The following TGFBR2 variants were observed in gnomAD, a reference collection of about 807,000 sequenced individuals.
TGFBR2 encodes the protein TGF-beta receptor type-2.
A neutral mutation model predicts 49.0 loss-of-function variants in TGFBR2; 18 were observed. That is an observed-to-expected ratio of 0.37 (90% CI 0.25 to 0.54). TGFBR2 has a LOEUF of 0.54. Ranked by LOEUF, TGFBR2 falls within the 20% of genes least tolerant of loss-of-function variation. The probability of loss-of-function intolerance (pLI) is 0.85; values close to 1 mark genes in which losing one functional copy is unlikely to be tolerated. For synonymous variants in TGFBR2, 282 were observed against 275.9 expected, an observed-to-expected ratio of 1.02 and a Z score of -0.22; for missense variants, 525 against 722.6, an observed-to-expected ratio of 0.73 and a Z score of 3.13.
intron 5 of TGFBR2, among the ~76,000 whole-genome samples, chr3:30,682,124 T>C (rs969726855): frequency 1.3e-5 from 2 of 152,122 alleles, no homozygotes; most frequent in African/African-American, 2.4e-5. Context: ...CCTCCTGGAG[T>C]TGGGCCAGCC....
chr3:30,691,314 T>A, intron 6 of TGFBR2, 106 bp from the exon 7 acceptor site: 3 of 1,290,404 alleles, frequency 2.3e-6, no homozygotes, highest in African/African-American at 1.5e-5. Context: ...CACAGGCACT[T>A]TTGGACCCTG....
At chr3:30,681,995 AG>A (rs1403919674) in intron 5 of TGFBR2, among the ~76,000 whole-genome samples, 5 of 152,230 alleles carry the variant, frequency 3.3e-5, no homozygotes, top group African/African-American at 9.6e-5. Context: ...CACACACCTC[AG>A]TGTCATACCA....
intron 1 of TGFBR2, among the ~76,000 whole-genome samples, chr3:30,633,589 A>G (rs750355289): frequency 5.3e-5 from 8 of 152,198 alleles, no homozygotes; most frequent in Non-Finnish European, 1.0e-4. Flanking sequence ...AGTAGGTGAC[A>G]TGAAGGAGTG....
chr3:30,628,720 G>A (rs1205889679), intron 1 of TGFBR2, among the ~76,000 whole-genome samples: 1 of 151,960 alleles, frequency 6.6e-6, no homozygotes, highest in African/African-American at 2.4e-5. Flanking sequence ...TGGGCTCAGG[G>A]ATTTGCATTT....
intron 1 of TGFBR2, among the ~76,000 whole-genome samples, chr3:30,644,138 C>A (rs1266896962): frequency 6.6e-6 from 1 of 152,196 alleles, no homozygotes; most frequent in East Asian, 1.9e-4. Context: ...ATCAGTAGAA[C>A]TAGTCCCTTG....
intron 1 of TGFBR2, among the ~76,000 whole-genome samples, chr3:30,636,155 A>ATGTG (rs61296907): frequency 0.1 from 13,748 of 134,526 alleles, 765 homozygotes; most frequent in East Asian, 0.22. Context: ...ATATATATGT[A>ATGTG]TGTGTGTGTG....
intron 2 of TGFBR2, among the ~76,000 whole-genome samples, chr3:30,646,515 AT>A (rs1298279375): frequency 3.3e-5 from 5 of 152,276 alleles, no homozygotes; most frequent in African/African-American, 1.2e-4. Flanking sequence ...TATAATAAAC[AT>A]ATTCTGCATA....
intron 1 of TGFBR2, chr3:30,623,240 A>G: frequency 6.2e-7 from 1 of 1,612,766 alleles, no homozygotes; most frequent in Non-Finnish European, 8.5e-7. Flanking sequence ...CATCTGCCCC[A>G]GCTGTAATAG....
Position 30,647,362 on chromosome 3 carries a change from A to G in TGFBR2, c.263+2447A>G, listed in dbSNP as rs139579788. ...ATAGTTTAGCTTTTTCCTTCTGTGC[A>G]ATACTGTTGCCTTTAGTCGCTTACA... is the stretch of plus-strand genomic sequence containing the variant. On this transcript the variant is annotated intron_variant, in intron 2 of 6. Coordinates refer to ENST00000295754, the MANE Select transcript of TGFBR2 (RefSeq NM_003242.6). 2.1e-3 allele frequency among the ~76,000 whole-genome samples: 323 copies of G among 152,246 alleles called. 1 individual carries two copies. Among genetic ancestry groups the G allele is most frequent in the African/African-American group, 7.4e-3 (309 of 41,536 alleles).
chr3:30,622,870 A>G, intron 1 of TGFBR2, among the ~76,000 whole-genome samples: 1 of 117,810 alleles, frequency 8.5e-6, no homozygotes, highest in African/African-American at 3.2e-5. Flanking sequence ...ACAGAGCGAG[A>G]CTTTGTCTCA....
At chr3:30,686,845 G>A (rs1699631134) in intron 5 of TGFBR2, among the ~76,000 whole-genome samples, 2 of 152,074 alleles carry the variant, frequency 1.3e-5, no homozygotes. Context: ...ATTTAAATTG[G>A]TGTTTTGTTT....
chr3:30,672,509 C>T lies in TGFBR2; in HGVS notation c.1254+72C>T. On this transcript the variant is annotated intron_variant, in intron 4 of 6. Coordinates refer to ENST00000295754, the MANE Select transcript of TGFBR2 (RefSeq NM_003242.6). This position sits in a 1 kb window ranked among gnomAD's most constrained non-coding sequence, Gnocchi z 4.5. ...CACCCTACCTCTTGATCCATATCTC[C>T]TGGCTCTTATCTCAAACAGCCCTGT... 1 of 1,519,680 alleles carries T rather than the reference C, an allele frequency of 6.6e-7. No homozygotes were observed. Among genetic ancestry groups the T allele is most frequent in the Non-Finnish European group, 9.1e-7 (1 of 1,095,048 alleles). 94.1% of individuals were successfully genotyped at this position (1,519,680 alleles called of 1,614,324 possible).
In TGFBR2 at chr3:30,671,984, T is replaced by C; in HGVS notation, c.801T>C (p.Thr267=). The C allele has an allele frequency of 6.2e-7, 1 of 1,614,152 alleles. No individual in the cohort carries two copies. The highest frequency in any genetic ancestry group is 8.5e-7 in the Non-Finnish European group (1 of 1,180,026). Reference sequence around the variant, plus strand: ...ATAAGGCCAAGCTGAAGCAGAACACTTCAGAGCAGTTTGAGACAGTGGCAG... The same window carrying C: ...ATAAGGCCAAGCTGAAGCAGAACACCTCAGAGCAGTTTGAGACAGTGGCAG... ...EVYKAKLKQN[T]SEQFETVAVK... Residue 267 remains threonine, a synonymous_variant, in exon 4 of 7, where the codon ACT becomes ACC. Transcript: ENST00000295754.
At chr3:30,644,411 G>A (rs1575143480) in intron 1 of TGFBR2, among the ~76,000 whole-genome samples, 1 of 152,114 alleles carries the variant, frequency 6.6e-6, no homozygotes, top group African/African-American at 2.4e-5. Flanking sequence ...TTATTTGTGG[G>A]CCCAGCACTC....
Position 30,679,555 on chromosome 3 carries a change from T to A in TGFBR2, c.1396+5309T>A, listed in dbSNP as rs143308853. Among the ~76,000 whole-genome samples, 969 of 152,322 alleles carry A rather than the reference T, an allele frequency of 6.4e-3. 11 individuals carry two copies. The highest frequency in any genetic ancestry group is 0.022 in the African/African-American group (905 of 41,564). ...AAGAGAGTGGTCAGAGAGAAAGGCT[T>A]CTTATTGAAAGTACATTTGGTCCAG... On this transcript the variant is annotated intron_variant, in intron 5 of 6. Transcript: ENST00000295754.
chr3:30,652,429 T>A (rs1698911841), intron 3 of TGFBR2, among the ~76,000 whole-genome samples: 2 of 152,000 alleles, frequency 1.3e-5, no homozygotes, highest in Admixed American at 1.3e-4. Flanking sequence ...GAGACGAGTT[T>A]CACCATGTTC....
intron 1 of TGFBR2, among the ~76,000 whole-genome samples, chr3:30,616,757 G>C (rs562413804): frequency 2.0e-5 from 3 of 151,858 alleles, no homozygotes; most frequent in Admixed American, 2.0e-4. Context: ...ACTTCCACTG[G>C]TGTTCATTGG....
intron 1 of TGFBR2, among the ~76,000 whole-genome samples, chr3:30,613,380 G>A (rs80102840): frequency 0.012 from 1,858 of 152,168 alleles, 20 homozygotes; most frequent in South Asian, 0.024. Context: ...ACCCACATTC[G>A]CTGTCCAGAA....
At chr3:30,688,143 C>T (rs537448747) in intron 5 of TGFBR2, among the ~76,000 whole-genome samples, 7 of 152,206 alleles carry the variant, frequency 4.6e-5, no homozygotes, top group Non-Finnish European at 1.0e-4. Flanking sequence ...TGTCCCCCAG[C>T]GTAACACCTA....
Sources: allele counts gnomAD v4.1 joint callset (sites outside exome capture counted in the v4.1 genomes callset), GRCh38; gene constraint gnomAD v4.1.1; non-coding constraint Gnocchi (gnomAD v3.1); transcripts MANE v1.5; gene names NCBI Gene and HGNC (gene_info 2026-07-23, HGNC 2026-07-21).